The following GALNT13 variants were observed in gnomAD, a reference collection of about 807,000 sequenced individuals.
GALNT13 encodes the protein UDP-GalNAc:polypeptide N-acetylgalactosaminyltransferase 13.
A neutral mutation model predicts 64.2 loss-of-function variants in GALNT13; 28 were observed. That is an observed-to-expected ratio of 0.44 (90% CI 0.32 to 0.60). The LOEUF is 0.60. Among genes scored for constraint, GALNT13 ranks in the 20% least tolerant of loss-of-function variants. The pLI is 0.05. For missense variants in GALNT13, 577 were observed against 669.8 expected, an observed-to-expected ratio of 0.86 and a Z score of 1.53; for synonymous variants, 214 against 224.6, an observed-to-expected ratio of 0.95 and a Z score of 0.42.
chr2:154,388,580 T>A (rs1325043841), intron 9 of GALNT13, among the ~76,000 whole-genome samples: 1 of 152,208 alleles, frequency 6.6e-6, no homozygotes, highest in African/African-American at 2.4e-5. Flanking sequence ...AAGATAAGAA[T>A]AAGATCTAAT....
the GALNT13 span, among the ~76,000 whole-genome samples, chr2:153,583,722 C>T: frequency 6.6e-6 from 1 of 152,224 alleles, no homozygotes; most frequent in African/African-American, 2.4e-5. Flanking sequence ...CCAGCAACTA[C>T]TATAAGACAT....
At chr2:153,732,635 T>G in the GALNT13 span, among the ~76,000 whole-genome samples, 1 of 152,172 alleles carries the variant, frequency 6.6e-6, no homozygotes, top group Middle Eastern at 3.4e-3. Context: ...GCATATAATT[T>G]CAAGTATAAA....
the GALNT13 span, among the ~76,000 whole-genome samples, chr2:153,277,919 TTTTC>T: frequency 0.012 from 814 of 68,624 alleles, 152 homozygotes; most frequent in East Asian, 0.059. Context: ...TTTTGTTTTC[TTTTC>T]TTTCTTTTTT....
At chr2:153,165,061 C>T in the GALNT13 span, among the ~76,000 whole-genome samples, 1 of 152,198 alleles carries the variant, frequency 6.6e-6, no homozygotes, top group African/African-American at 2.4e-5. Flanking sequence ...TTCTGACCTG[C>T]ATATAAGCCT....
At chr2:153,735,354 A>G in the GALNT13 span, among the ~76,000 whole-genome samples, 1 of 152,108 alleles carries the variant, frequency 6.6e-6, no homozygotes, top group Non-Finnish European at 1.5e-5. Flanking sequence ...TTAAGTTGTC[A>G]CTACATAGAT....
the GALNT13 span, among the ~76,000 whole-genome samples, chr2:153,093,236 C>CTTTTTTTTTTTTTTTTTT: frequency 2.3e-4 from 30 of 129,000 alleles, no homozygotes; most frequent in Non-Finnish European, 3.7e-4. Context: ...TTTTTCTTTT[C>CTTTTTTTTTTTTTTTTTT]TTTTCTTTTT....
At chr2:154,190,647 T>C (rs1686524457) in intron 4 of GALNT13, among the ~76,000 whole-genome samples, 1 of 152,192 alleles carries the variant, frequency 6.6e-6, no homozygotes, top group Non-Finnish European at 1.5e-5. Context: ...ATTTTCCTCA[T>C]TAACCTAATC....
intron 3 of GALNT13, among the ~76,000 whole-genome samples, chr2:153,974,807 C>T (rs1693972567): frequency 6.6e-6 from 1 of 151,892 alleles, no homozygotes; most frequent in African/African-American, 2.4e-5. Context: ...ATTATTTGTT[C>T]TGTCACTAGG....
chr2:154,220,314 T>C (rs1297910433), intron 4 of GALNT13, among the ~76,000 whole-genome samples: 3 of 152,062 alleles, frequency 2.0e-5, no homozygotes, highest in African/African-American at 7.2e-5. Flanking sequence ...GATTAGAAAG[T>C]AGAGAAAGAA....
the GALNT13 span, among the ~76,000 whole-genome samples, chr2:153,307,137 A>G: frequency 1.3e-5 from 2 of 152,216 alleles, no homozygotes; most frequent in Non-Finnish European, 1.5e-5. Context: ...GCATTCATGT[A>G]TGTCTTGATT....
chr2:153,577,133 C>A, the GALNT13 span, among the ~76,000 whole-genome samples: 1 of 151,700 alleles, frequency 6.6e-6, no homozygotes, highest in African/African-American at 2.4e-5. Context: ...AAGAGGCTAC[C>A]TTTTCCCCTG....
the GALNT13 span, among the ~76,000 whole-genome samples, chr2:153,807,204 C>T: frequency 5.3e-5 from 8 of 151,544 alleles, no homozygotes; most frequent in South Asian, 1.7e-3. Context: ...GTATATCCTC[C>T]CAGATATTTT....
the GALNT13 span, among the ~76,000 whole-genome samples, chr2:153,674,566 C>G: frequency 1.3e-5 from 2 of 152,246 alleles, no homozygotes; most frequent in African/African-American, 2.4e-5. Context: ...GGATTAAAGA[C>G]TTAAATGTAA....
At chr2:153,634,542 CTTTTTT>C in the GALNT13 span, among the ~76,000 whole-genome samples, 24 of 91,240 alleles carry the variant, frequency 2.6e-4, no homozygotes, top group Middle Eastern at 8.9e-3. Context: ...AGATGGAAAT[CTTTTTT>C]TTTTTTTTTT....
At chr2:153,846,823 A>G in the GALNT13 span, among the ~76,000 whole-genome samples, 2 of 152,146 alleles carry the variant, frequency 1.3e-5, no homozygotes, top group Non-Finnish European at 2.9e-5. Context: ...ATCTGCACCA[A>G]ACCAAGTAGG....
At chr2:153,435,822 C>T in the GALNT13 span, among the ~76,000 whole-genome samples, 13 of 151,826 alleles carry the variant, frequency 8.6e-5, no homozygotes, top group Admixed American at 2.0e-4. Flanking sequence ...CCTTTATTTC[C>T]TTCTCCTGCC....
intron 1 of GALNT13, among the ~76,000 whole-genome samples, chr2:153,892,416 TGGG>T (rs1687613719): frequency 6.6e-6 from 1 of 152,042 alleles, no homozygotes; most frequent in African/African-American, 2.4e-5. Flanking sequence ...ATAAAAATCA[TGGG>T]TCCAAGATTA....
chr2:153,719,951 A>T, the GALNT13 span, among the ~76,000 whole-genome samples: 1 of 152,086 alleles, frequency 6.6e-6, no homozygotes, highest in Admixed American at 6.5e-5. Flanking sequence ...AACTGGGTGG[A>T]GCCCACCACA....
chr2:153,887,137 A>C (rs931611866), intron 1 of GALNT13, among the ~76,000 whole-genome samples: 1 of 151,866 alleles, frequency 6.6e-6, no homozygotes, highest in African/African-American at 2.4e-5. Flanking sequence ...TTTACATAAC[A>C]TTAACTCATT....
Sources: gnomAD v4.1 joint callset for allele counts (sites outside exome capture counted in the v4.1 genomes callset) on GRCh38, gnomAD v4.1.1 for gene constraint, MANE v1.5 for transcripts, NCBI Gene and HGNC (gene_info 2026-07-23, HGNC 2026-07-21) for gene names.